Variants in CDK8 observed in about 807,000 individuals in gnomAD.
The protein encoded by CDK8 is cyclin-dependent kinase 8.
In CDK8, 29 loss-of-function variants were observed where a neutral mutation model predicts 71.5. That is an observed-to-expected ratio of 0.41 (90% CI 0.30 to 0.55). The LOEUF is 0.55. Among genes scored for constraint, CDK8 ranks in the 20% least tolerant of loss-of-function variants. The probability of loss-of-function intolerance (pLI) is 0.37; values close to 1 mark genes in which losing one functional copy is unlikely to be tolerated. For missense variants in CDK8, 288 were observed against 572.6 expected (o/e 0.50, Z 5.07); for synonymous variants, 161 against 192.1 (o/e 0.84, Z 1.34).
At chr13:26,314,929 T>C (rs181097666) in intron 1 of CDK8, among the ~76,000 whole-genome samples, 165 of 152,294 alleles carry the variant, frequency 1.1e-3, no homozygotes, top group African/African-American at 3.8e-3. Flanking sequence ...GTATAAAAAA[T>C]CAATTTAATA....
At position 26,404,631 on chromosome 13, in the gene CDK8, A is replaced by T. The variant is rs1405909131; in HGVS notation, c.*550A>T. On this transcript the variant is annotated 3_prime_UTR_variant, in exon 13 of 13. Coordinates refer to ENST00000381527, the MANE Select transcript of CDK8 (RefSeq NM_001260.3). ...CATTAATCAGTGTTTTCTGACCAAGAATATTGCTTGGATTTTTTTGAAAGT... is the reference window on the plus strand; with the variant it reads ...CATTAATCAGTGTTTTCTGACCAAGTATATTGCTTGGATTTTTTTGAAAGT... 1 of 231,262 alleles carries T rather than the reference A, an allele frequency of 4.3e-6. No homozygotes were observed. Among genetic ancestry groups the T allele is most frequent in the Non-Finnish European group, 8.5e-6 (1 of 116,978 alleles). 14.3% of individuals were successfully genotyped at this position (231,262 alleles called of 1,614,324 possible). A position where few individuals can be genotyped will look rare whatever the true frequency, so the allele number is the denominator to read the frequency against.
rs115605124 is a variant in CDK8 at position 26,351,442 on chromosome 13, A to G, written c.315+2260A>G. Among the ~76,000 whole-genome samples the G allele has an allele frequency of 6.4e-3, 973 of 152,258 alleles. 10 individuals are homozygous for G. The highest frequency in any genetic ancestry group is 0.021 in the African/African-American group (870 of 41,560). On this transcript the variant is annotated intron_variant, in intron 3 of 12. Transcript: ENST00000381527. ...ATCAGCGTGGCCAGTATTAAATTGA[A>G]CACTCACTATGCTGAGCCTCATAAG...
chr13:26,340,133 G>A (rs1023198867), intron 2 of CDK8, among the ~76,000 whole-genome samples: 4 of 151,856 alleles, frequency 2.6e-5, no homozygotes, highest in Non-Finnish European at 5.9e-5. Flanking sequence ...TTTATCAAAT[G>A]CTTTTTTCTG....
At chr13:26,325,896 G>T (rs974552626) in intron 1 of CDK8, among the ~76,000 whole-genome samples, 1 of 152,168 alleles carries the variant, frequency 6.6e-6, no homozygotes, top group Non-Finnish European at 1.5e-5. Flanking sequence ...AACCTCATCT[G>T]TTGTTGGACT....
chr13:26,402,557 C>CT (rs1270202807), intron 12 of CDK8, among the ~76,000 whole-genome samples: 1 of 152,196 alleles, frequency 6.6e-6, no homozygotes, highest in Non-Finnish European at 1.5e-5. Flanking sequence ...GGTATTAACT[C>CT]TTTCTTTTGG....
chr13:26,373,244 G>GT (rs1217828365), intron 4 of CDK8, among the ~76,000 whole-genome samples: 13 of 151,834 alleles, frequency 8.6e-5, no homozygotes, highest in South Asian at 2.1e-4. Context: ...AATTGGTAGG[G>GT]TTTTTTTTAC....
At chr13:26,277,149 C>G (rs1032348481) in intron 1 of CDK8, among the ~76,000 whole-genome samples, 2 of 152,138 alleles carry the variant, frequency 1.3e-5, no homozygotes, top group Non-Finnish European at 2.9e-5. Context: ...TGTGCTAATT[C>G]CTGTTGGTGT....
At chr13:26,313,313 C>T (rs146398499) in intron 1 of CDK8, among the ~76,000 whole-genome samples, 41 of 152,214 alleles carry the variant, frequency 2.7e-4, no homozygotes, top group Middle Eastern at 3.4e-3. Flanking sequence ...GTGATAATCT[C>T]AAGAAGGGTG....
intron 4 of CDK8, among the ~76,000 whole-genome samples, chr13:26,377,772 AACTT>A (rs60909108): frequency 0.058 from 8,846 of 151,524 alleles, 855 homozygotes; most frequent in African/African-American, 0.2. Flanking sequence ...CAGTTTGTAA[AACTT>A]ACTGAGTATG....
intron 1 of CDK8, among the ~76,000 whole-genome samples, chr13:26,305,020 G>C (rs1873984168): frequency 6.6e-6 from 1 of 152,018 alleles, no homozygotes; most frequent in Admixed American, 6.6e-5. Flanking sequence ...TATTATCATT[G>C]TTGTATACAG....
At chr13:26,300,267 AT>A (rs1298395792) in intron 1 of CDK8, among the ~76,000 whole-genome samples, 2 of 151,964 alleles carry the variant, frequency 1.3e-5, no homozygotes, top group Non-Finnish European at 2.9e-5. Context: ...CTATTAATAT[AT>A]TTTTTTAATC....
chr13:26,326,704 C>T (rs138977444), intron 1 of CDK8, among the ~76,000 whole-genome samples: 189 of 152,216 alleles, frequency 1.2e-3, no homozygotes, highest in African/African-American at 4.5e-3. Flanking sequence ...AATTCAGAGC[C>T]AATGTGTTTT....
At chr13:26,403,809 T>G in intron 12 of CDK8, 147 bp from the exon 13 acceptor site, 3 of 924,802 alleles carry the variant, frequency 3.2e-6, no homozygotes, top group East Asian at 2.5e-5. Flanking sequence ...ATATTTGGGG[T>G]TTTTGTCTTT....
intron 1 of CDK8, among the ~76,000 whole-genome samples, chr13:26,300,810 C>T (rs1235340298): frequency 1.3e-5 from 2 of 152,112 alleles, no homozygotes; most frequent in Non-Finnish European, 2.9e-5. Flanking sequence ...GATTATCCCG[C>T]TCTAAAAAGA....
chr13:26,390,368 C>T (rs906403650), intron 6 of CDK8, among the ~76,000 whole-genome samples: 3 of 152,172 alleles, frequency 2.0e-5, no homozygotes, highest in African/African-American at 7.2e-5. Context: ...ACATATGCCC[C>T]ATCTACTACA....
rs1320939623 is a variant in CDK8, at chr13:26,404,720, TAA to T, written c.*640_*641del. The stretch of plus-strand genomic sequence containing the variant: ...CTCCCAAAGATTAACTTCCAACTTA[TAA>T]GTTTGTTTTTATTTTCAATCTATGA... On this transcript the variant is annotated 3_prime_UTR_variant, in exon 13 of 13. Transcript: ENST00000381527. 2 of 226,520 alleles carry T rather than the reference TAA, an allele frequency of 8.8e-6. No homozygotes were observed. Among genetic ancestry groups the T allele is most frequent in the South Asian group, 1.8e-4 (1 of 5,470 alleles). 14.0% of individuals were successfully genotyped at this position (226,520 alleles called of 1,614,324 possible). A position where few individuals can be genotyped will look rare whatever the true frequency, so the allele number is the denominator to read the frequency against.
chr13:26,302,310 T>C (rs1334773432), intron 1 of CDK8, among the ~76,000 whole-genome samples: 5 of 152,222 alleles, frequency 3.3e-5, no homozygotes, highest in Admixed American at 3.3e-4. Context: ...CTAAAACTCG[T>C]TGGTTTCTTA....
intron 1 of CDK8, among the ~76,000 whole-genome samples, chr13:26,258,202 T>C (rs1237335063): frequency 6.6e-6 from 1 of 152,092 alleles, no homozygotes; most frequent in Non-Finnish European, 1.5e-5. Flanking sequence ...TCAGCTAAGA[T>C]TAGAGGATTA....
At chr13:26,280,371 G>T (rs1229299371) in intron 1 of CDK8, among the ~76,000 whole-genome samples, 2 of 152,216 alleles carry the variant, frequency 1.3e-5, no homozygotes, top group African/African-American at 4.8e-5. Context: ...TCATTCAGAA[G>T]ACTGAGTGGA....
Sources: allele counts gnomAD v4.1 joint callset (sites outside exome capture counted in the v4.1 genomes callset), GRCh38; gene constraint gnomAD v4.1.1; transcripts MANE v1.5; gene names NCBI Gene and HGNC (gene_info 2026-07-23, HGNC 2026-07-21).